The following FOXP1 variants were observed in gnomAD, a reference collection of about 807,000 sequenced individuals.
FOXP1 encodes forkhead box P1, also known as forkhead box protein P1.
In FOXP1, 15 loss-of-function variants were observed where a neutral mutation model predicts 98.2. That is an observed-to-expected ratio of 0.15 (90% CI 0.10 to 0.24). FOXP1 has a LOEUF of 0.24. FOXP1 is among the 10% of genes least tolerant of loss of function. The pLI is 1.00. For synonymous variants in FOXP1, 371 were observed against 314.5 expected (o/e 1.18, Z -1.90); for missense variants, 633 against 848.5 (o/e 0.75, Z 3.15).
At chr3:71,239,415 G>A (rs745806598) in intron 5 of FOXP1, among the ~76,000 whole-genome samples, 2 of 152,146 alleles carry the variant, frequency 1.3e-5, no homozygotes, top group Non-Finnish European at 2.9e-5. Context: ...GTGGTGGCAC[G>A]TGCCCGTAAT....
chr3:71,336,064 C>T (rs1318670043), intron 4 of FOXP1, among the ~76,000 whole-genome samples: 3 of 101,006 alleles, frequency 3.0e-5, no homozygotes, highest in African/African-American at 1.2e-4. Flanking sequence ...GAGTCTGAAA[C>T]ATTCTGTCAT....
chr3:71,467,204 CAT>C (rs2088856111), intron 3 of FOXP1, among the ~76,000 whole-genome samples: 1 of 152,186 alleles, frequency 6.6e-6, no homozygotes, highest in Non-Finnish European at 1.5e-5. Context: ...TGCCTATGCA[CAT>C]ACATATATAT....
At chr3:71,194,889 G>T (rs1048708257) in intron 6 of FOXP1, among the ~76,000 whole-genome samples, 14 of 152,192 alleles carry the variant, frequency 9.2e-5, no homozygotes, top group African/African-American at 2.4e-4. Context: ...GACAGTTTGT[G>T]AGTGTGTTGG....
Position 71,530,770 on chromosome 3 carries a change from A to G in FOXP1, c.-297-37215T>C, listed in dbSNP as rs182627234. 3.2e-4 allele frequency among the ~76,000 whole-genome samples: 48 copies of G among 152,316 alleles called. 1 individual carries two copies. In the East Asian group the frequency reaches 4.8e-3, roughly 15 times the overall value. On this transcript the variant is annotated intron_variant, in intron 2 of 20. Coordinates refer to ENST00000649528, the MANE Select transcript of FOXP1 (RefSeq NM_001349338.3). ...TACAACCAGAAAACGAAGAGTGGGC[A>G]ATTTAGCTGAGATGTGCCGTACACT... is the stretch of plus-strand genomic sequence containing the variant.
chr3:71,545,144 G>A (rs1326587279), intron 2 of FOXP1, among the ~76,000 whole-genome samples: 1 of 151,744 alleles, frequency 6.6e-6, no homozygotes, highest in Admixed American at 6.6e-5. Context: ...GTACATGCGC[G>A]CATATGCTCC....
intron 6 of FOXP1, among the ~76,000 whole-genome samples, chr3:71,185,733 T>G (rs2062607678): frequency 6.6e-6 from 1 of 152,150 alleles, no homozygotes; most frequent in African/African-American, 2.4e-5. Context: ...AATGGCAAAA[T>G]GGAAAAGACA....
intron 2 of FOXP1, among the ~76,000 whole-genome samples, chr3:71,546,097 T>A (rs2045336574): frequency 6.6e-6 from 1 of 152,214 alleles, no homozygotes; most frequent in Non-Finnish European, 1.5e-5. Flanking sequence ...GGAGGGGTCA[T>A]GGATTTGCAT....
At position 71,015,628 on chromosome 3, in the gene FOXP1, T is replaced by C. The variant is rs764571145; in HGVS notation, c.895A>G (p.Ser299Gly). The C allele has an allele frequency of 3.7e-6, 6 of 1,612,408 alleles. No individual in the cohort carries two copies. The highest frequency in any genetic ancestry group is 5.1e-6 in the Non-Finnish European group (6 of 1,178,636). ...ESLSHEEHPH[S>G]HPLYGHGVCK... ...ACACCATGTCCATAGAGAGGATGGC[T>C]ATGGGGGTGCTCCTCATGGGACAAA... The change falls in exon 12 of 21, where the codon AGC (serine) becomes GGC (glycine). Residue 299 changes from serine (S) to glycine (G), a missense_variant. Transcript: ENST00000649528.
intron 11 of FOXP1, 99 bp downstream of exon 11, chr3:71,041,229 T>C (rs2048295363): frequency 2.2e-6 from 2 of 923,924 alleles, no homozygotes; most frequent in Admixed American, 1.7e-5. Flanking sequence ...TCAAGTCACA[T>C]GGATCCAATT....
rs374214924 is a variant in FOXP1 at position 71,000,707 on chromosome 3, C to T, written c.1062+265G>A. Reference sequence around the variant, plus strand: ...ATTCAAAGTGGCCGCTGAGAGTTGGCTGCATACACACAGGTGCCCAGAATT... The same window carrying T: ...ATTCAAAGTGGCCGCTGAGAGTTGGTTGCATACACACAGGTGCCCAGAATT... On this transcript the variant is annotated intron_variant, in intron 13 of 20. Transcript: ENST00000649528. Among the ~76,000 whole-genome samples the T allele has an allele frequency of 3.7e-3, 567 of 151,778 alleles. 6 individuals are homozygous for T. The highest frequency in any genetic ancestry group is 0.012 in the African/African-American group (493 of 41,316).
intron 4 of FOXP1, among the ~76,000 whole-genome samples, chr3:71,351,900 A>G (rs571547759): frequency 6.6e-6 from 1 of 152,352 alleles, no homozygotes; most frequent in Admixed American, 6.5e-5. Flanking sequence ...GGCACATCCA[A>G]CTGGAGATAG....
intron 7 of FOXP1, among the ~76,000 whole-genome samples, chr3:71,093,681 G>A (rs2056147543): frequency 6.6e-6 from 1 of 151,616 alleles, no homozygotes. Context: ...GTTAGAATGA[G>A]GATAAGTGAA....
intron 5 of FOXP1, among the ~76,000 whole-genome samples, chr3:71,228,749 T>C (rs566029581): frequency 6.6e-6 from 1 of 152,304 alleles, no homozygotes; most frequent in African/African-American, 2.4e-5. Flanking sequence ...CATTCCTCAT[T>C]CTCAACACCC....
chr3:71,252,659 T>C (rs774713195), intron 5 of FOXP1, among the ~76,000 whole-genome samples: 1 of 152,180 alleles, frequency 6.6e-6, no homozygotes, highest in Non-Finnish European at 1.5e-5. Flanking sequence ...CTGACACCCT[T>C]ACTTGACAGG....
intron 3 of FOXP1, among the ~76,000 whole-genome samples, chr3:71,361,971 G>A (rs1003835927): frequency 4.6e-5 from 7 of 152,090 alleles, no homozygotes; most frequent in Admixed American, 2.6e-4. Context: ...CCCATATATC[G>A]TCAAGGACAA....
chr3:71,348,534 T>TGTGTGTGTGC (rs2077531299), intron 4 of FOXP1, among the ~76,000 whole-genome samples: 1 of 128,234 alleles, frequency 7.8e-6, no homozygotes, highest in African/African-American at 2.7e-5. Flanking sequence ...TGTGTGTGTG[T>TGTGTGTGTGC]GTGTGTGTGT....
chr3:71,452,817 C>G (rs907855644), intron 3 of FOXP1, among the ~76,000 whole-genome samples: 2 of 152,194 alleles, frequency 1.3e-5, no homozygotes, highest in African/African-American at 4.8e-5. Flanking sequence ...CCCTTCCTTC[C>G]CCTTTCACTC....
At chr3:71,543,382 T>G (rs1468781833) in intron 2 of FOXP1, 1 of 152,236 alleles carries the variant, frequency 6.6e-6, no homozygotes, top group Non-Finnish European at 1.5e-5. Context: ...AATTTCCACT[T>G]GAGAAGGGAC....
chr3:71,040,794 C>T (rs535173210), intron 11 of FOXP1, among the ~76,000 whole-genome samples: 2 of 152,300 alleles, frequency 1.3e-5, no homozygotes, highest in African/African-American at 4.8e-5. Context: ...ACCACCACTA[C>T]CTCTTCTGTC....
Sources: allele counts gnomAD v4.1 joint callset (sites outside exome capture counted in the v4.1 genomes callset), GRCh38; gene constraint gnomAD v4.1.1; transcripts MANE v1.5; gene names NCBI Gene and HGNC (gene_info 2026-07-23, HGNC 2026-07-21).